SMARCC1: variants seen among roughly 807,000 people sequenced by gnomAD.
The protein encoded by SMARCC1 is SWI/SNF related BAF chromatin remodeling complex subunit C1, also known as SWI/SNF complex subunit SMARCC1.
SMARCC1 carries 43 observed loss-of-function variants against 147.4 expected under a neutral mutation model. The observed-to-expected ratio is 0.29, with a 90% CI of 0.23 to 0.38. The LOEUF (loss-of-function observed/expected upper bound fraction) is 0.38, where lower values mean the gene tolerates loss of function less well. Among genes scored for constraint, SMARCC1 ranks in the 10% least tolerant of loss-of-function variants. SMARCC1 has a pLI of 1.00. For missense variants in SMARCC1, 1,119 were observed against 1,381.1 expected (o/e 0.81, Z 3.01); for synonymous variants, 495 against 484.4 (o/e 1.02, Z -0.29).
At chr3:47,679,719 A>G (rs1443111053) in intron 15 of SMARCC1, among the ~76,000 whole-genome samples, 1 of 151,942 alleles carries the variant, frequency 6.6e-6, no homozygotes, top group Non-Finnish European at 1.5e-5. Context: ...AAAATTAGCC[A>G]GGTGTGGTGG....
intron 19 of SMARCC1, among the ~76,000 whole-genome samples, chr3:47,668,704 G>A (rs2033454788): frequency 6.6e-6 from 1 of 152,064 alleles, no homozygotes; most frequent in Admixed American, 6.6e-5. Flanking sequence ...GCAACATGGT[G>A]AAACCCCATC....
chr3:47,744,056 G>A lies in SMARCC1; in HGVS notation c.401+1852C>T, dbSNP rs183208523. ...AGACATGCCGTTGCTCCTAGATAGG[G>A]AATACCATCGTGAGAGGTCCAACAT... On this transcript the variant is annotated intron_variant, in intron 3 of 27. Transcript: ENST00000254480. 4.5e-4 allele frequency among the ~76,000 whole-genome samples: 68 copies of A among 152,220 alleles called. No individual in the cohort carries two copies. In the Middle Eastern group the frequency reaches 0.014, roughly 30 times the overall value.
At chr3:47,646,383 G>T (rs532130278) in intron 21 of SMARCC1, among the ~76,000 whole-genome samples, 1 of 152,274 alleles carries the variant, frequency 6.6e-6, no homozygotes, top group Non-Finnish European at 1.5e-5. Context: ...TAAACCAACA[G>T]GTTAAAAATC....
chr3:47,645,316 AC>A (rs2106715045), intron 21 of SMARCC1, among the ~76,000 whole-genome samples: 1 of 151,874 alleles, frequency 6.6e-6, no homozygotes. Flanking sequence ...AAAAAAACCA[AC>A]CCTCAAATAT....
chr3:47,670,276 CAGAA>C (rs2033478113), intron 19 of SMARCC1: 2 of 185,162 alleles, frequency 1.1e-5, no homozygotes, highest in Admixed American at 1.2e-4. Flanking sequence ...CTTTTTAAAA[CAGAA>C]TACTATAGGT....
At chr3:47,702,138 C>G (rs1323021839) in intron 10 of SMARCC1, among the ~76,000 whole-genome samples, 1 of 148,930 alleles carries the variant, frequency 6.7e-6, no homozygotes, top group East Asian at 2.0e-4. Flanking sequence ...AAATATAGTA[C>G]TAATTCTTTT....
At chr3:47,772,588 T>G (rs1273758554) in intron 2 of SMARCC1, among the ~76,000 whole-genome samples, 1 of 152,182 alleles carries the variant, frequency 6.6e-6, no homozygotes, top group Non-Finnish European at 1.5e-5. Context: ...AAAATATTGT[T>G]AGGTCTTCAC....
At chr3:47,752,887 G>A (rs890299264) in intron 2 of SMARCC1, among the ~76,000 whole-genome samples, 2 of 152,070 alleles carry the variant, frequency 1.3e-5, no homozygotes, top group Non-Finnish European at 2.9e-5. Context: ...ACTCTAACAG[G>A]CTGCCTCTAC....
intron 26 of SMARCC1, among the ~76,000 whole-genome samples, chr3:47,608,693 C>T (rs2032516816): frequency 6.6e-6 from 1 of 151,480 alleles, no homozygotes; most frequent in African/African-American, 2.4e-5. Context: ...AAAAACAAAA[C>T]CAAAAATTAG....
At chr3:47,671,545 T>C (rs1033815939) in intron 18 of SMARCC1, among the ~76,000 whole-genome samples, 1 of 152,220 alleles carries the variant, frequency 6.6e-6, no homozygotes, top group Non-Finnish European at 1.5e-5. Flanking sequence ...AAACTCAAAA[T>C]CACCTTTTCC....
At chr3:47,638,578 GT>G in intron 22 of SMARCC1, 146 bp downstream of exon 22, 2 of 661,958 alleles carry the variant, frequency 3.0e-6, no homozygotes, top group Non-Finnish European at 5.5e-6. Context: ...ATTATATCCT[GT>G]GAGAACTATA....
intron 20 of SMARCC1, 42 bp from the exon 21 acceptor site, chr3:47,661,497 C>G: frequency 1.9e-6 from 3 of 1,554,346 alleles, no homozygotes; most frequent in Non-Finnish European, 2.6e-6. Flanking sequence ...TAACTTTGCA[C>G]AAAAATTTGC....
At chr3:47,731,593 T>G (rs954701345) in intron 5 of SMARCC1, among the ~76,000 whole-genome samples, 3 of 152,234 alleles carry the variant, frequency 2.0e-5, no homozygotes, top group African/African-American at 7.2e-5. Context: ...ATAACAAGAC[T>G]TGAAAGTCAA....
chr3:47,712,269 TA>T (rs2034093098), intron 8 of SMARCC1, among the ~76,000 whole-genome samples: 2 of 150,632 alleles, frequency 1.3e-5, no homozygotes, highest in Non-Finnish European at 3.0e-5. Flanking sequence ...AATAAATAAA[TA>T]GAGTATATAA....
chr3:47,724,009 T>A (rs2034268123), intron 6 of SMARCC1, among the ~76,000 whole-genome samples: 1 of 151,624 alleles, frequency 6.6e-6, no homozygotes, highest in Admixed American at 6.6e-5. Context: ...AAACAGAAAA[T>A]AAAAAGTGTT....
intron 27 of SMARCC1, among the ~76,000 whole-genome samples, chr3:47,589,568 G>T (rs1393278441): frequency 6.6e-6 from 1 of 152,174 alleles, no homozygotes; most frequent in East Asian, 1.9e-4. Flanking sequence ...CTGACCACTA[G>T]CTTAAGGGAG....
chr3:47,591,340 A>G (rs2032178734), intron 26 of SMARCC1, among the ~76,000 whole-genome samples: 1 of 151,386 alleles, frequency 6.6e-6, no homozygotes, highest in Non-Finnish European at 1.5e-5. Flanking sequence ...TTAAAAGGGG[A>G]TTCTGATTTG....
chr3:47,677,687 C>T (rs2033591899), intron 16 of SMARCC1, among the ~76,000 whole-genome samples: 1 of 151,822 alleles, frequency 6.6e-6, no homozygotes, highest in African/African-American at 2.4e-5. Flanking sequence ...AGATTACAGT[C>T]ATGTGCCACC....
chr3:47,682,327 T>C (rs1395635352), intron 14 of SMARCC1, among the ~76,000 whole-genome samples: 1 of 149,628 alleles, frequency 6.7e-6, no homozygotes, highest in East Asian at 1.9e-4. Flanking sequence ...ACAACTGGAG[T>C]TCAGTGACAA....
Sources: allele counts gnomAD v4.1 joint callset (sites outside exome capture counted in the v4.1 genomes callset), GRCh38; gene constraint gnomAD v4.1.1; transcripts MANE v1.5; gene names NCBI Gene and HGNC (gene_info 2026-07-23, HGNC 2026-07-21).